The following CHPT1 variants were observed in gnomAD, a reference collection of about 807,000 sequenced individuals.
The protein encoded by CHPT1 is cholinephosphotransferase 1.
A neutral mutation model predicts 47.6 loss-of-function variants in CHPT1; 36 were observed. The observed-to-expected ratio is 0.76, with a 90% CI of 0.58 to 1.00. The LOEUF (loss-of-function observed/expected upper bound fraction) is 1.00. Ranked by LOEUF, CHPT1 falls within the 50% of genes least tolerant of loss-of-function variation. The pLI, the probability that CHPT1 is intolerant of heterozygous loss-of-function variation, is 0.00. For missense variants in CHPT1, 458 were observed against 498.1 expected (o/e 0.92, Z 0.77); for synonymous variants, 194 against 186.3 (o/e 1.04, Z -0.33).
At chr12:101,725,776 G>A (rs534729141) in intron 7 of CHPT1, among the ~76,000 whole-genome samples, 2 of 152,286 alleles carry the variant, frequency 1.3e-5, no homozygotes, top group African/African-American at 4.8e-5. Flanking sequence ...ATTTTCTGAA[G>A]AGAAGCATTT....
chr12:101,727,920 G>GTGAGT (rs1952003484), intron 8 of CHPT1: 1 of 152,138 alleles, frequency 6.6e-6, no homozygotes, highest in Admixed American at 6.5e-5. Flanking sequence ...TAAGATAAGG[G>GTGAGT]TGAGTTATAC....
rs1261172086 is a variant in CHPT1, at chr12:101,726,315, G to GT, written c.1088dup (p.Ile364AspfsTer4). 1 of 1,609,396 alleles carries GT rather than the reference G, an allele frequency of 6.2e-7. No homozygotes were observed. The highest frequency in any genetic ancestry group is 1.3e-5 in the African/African-American group (1 of 74,726). Reference sequence around the variant, plus strand: ...AAAGGTGATTTCTTCATTTGATATGGTGATATACTTTAGTGCTTTGTGCCT... The same window carrying GT: ...AAAGGTGATTTCTTCATTTGATATGGTTGATATACTTTAGTGCTTTGTGCCT... On this transcript the variant is annotated frameshift_variant, in exon 8 of 9. Transcript: ENST00000229266. LOFTEE classifies it high-confidence loss of function.
At position 101,714,320 on chromosome 12, in the gene CHPT1, T is replaced by C. The variant is rs576649756; in HGVS notation, c.421+83T>C. 1.8e-5 allele frequency: 23 copies of C among 1,307,240 alleles called. No homozygotes were observed. The South Asian group carries it at 2.8e-4, about 16-fold the overall frequency. The allele number at this position is 1,307,240 out of a possible 1,614,324, so 81.0% of individuals were successfully genotyped here. On this transcript the variant is annotated intron_variant, in intron 2 of 8. Coordinates refer to ENST00000229266, the MANE Select transcript of CHPT1 (RefSeq NM_020244.3). The stretch of plus-strand genomic sequence containing the variant: ...CTGTTTGGTCAGTTTTTTGGATGGA[T>C]ATACATTTGGGAGCAAATGTATGGA...
In CHPT1 at chr12:101,697,732, G is replaced by GCGGGCCCGACCGGTGAGT. The variant is rs1951482510; in HGVS notation, c.-128_-111dup. ...CCGGCCTGACCTCGACCTCCGCCGT[G>GCGGGCCCGACCGGTGAGT]CGGGCCCGACCGGTGAGTCCAGCCC... On this transcript the variant is annotated 5_prime_UTR_variant, in exon 1 of 9. Transcript: ENST00000229266. The GCGGGCCCGACCGGTGAGT allele has an allele frequency of 1.3e-5, 3 of 226,704 alleles. No individual in the cohort carries two copies. Among genetic ancestry groups the GCGGGCCCGACCGGTGAGT allele is most frequent in the African/African-American group, 7.0e-5 (3 of 42,670 alleles). 14.0% of individuals were successfully genotyped at this position (226,704 alleles called of 1,614,324 possible).
intron 7 of CHPT1, 63 bp from the exon 8 acceptor site, chr12:101,726,231 A>C: frequency 3.7e-6 from 4 of 1,089,940 alleles, no homozygotes; most frequent in Non-Finnish European, 5.5e-6. Flanking sequence ...GAGAAACAGA[A>C]TAGTGCTACT....
At chr12:101,703,827 C>T (rs1273537639) in intron 1 of CHPT1, among the ~76,000 whole-genome samples, 1 of 152,028 alleles carries the variant, frequency 6.6e-6, no homozygotes, top group East Asian at 1.9e-4. Flanking sequence ...CTTCCAGAGT[C>T]AGGTTAGCAG....
In CHPT1 at chr12:101,726,519, T is replaced by TTA. The variant is rs1185732313; in HGVS notation, c.1176+119_1176+120dup. On this transcript the variant is annotated intron_variant, in intron 8 of 8. Coordinates refer to ENST00000229266, the MANE Select transcript of CHPT1 (RefSeq NM_020244.3). Reference sequence around the variant, plus strand: ...GGAGGCTAGTATACCATCAATAAGGTTATATTTGAATATAAAACATAAACC... The same window carrying TTA: ...GGAGGCTAGTATACCATCAATAAGGTTATATATTTGAATATAAAACATAAACC... 2.9e-6 allele frequency: 4 copies of TTA among 1,368,564 alleles called. No homozygotes were observed. In the African/African-American group the frequency reaches 4.3e-5, roughly 15 times the overall value. The allele number at this position is 1,368,564 out of a possible 1,614,324, so 84.8% of individuals were successfully genotyped here.
At chr12:101,705,589 C>A (rs1173003014) in intron 1 of CHPT1, among the ~76,000 whole-genome samples, 1 of 76,346 alleles carries the variant, frequency 1.3e-5, no homozygotes, top group Non-Finnish European at 2.5e-5. Flanking sequence ...ATGATTATTA[C>A]CATTTTCAAA....
At chr12:101,709,975 T>C (rs1195282453) in intron 1 of CHPT1, among the ~76,000 whole-genome samples, 1 of 149,048 alleles carries the variant, frequency 6.7e-6, no homozygotes, top group Non-Finnish European at 1.5e-5. Context: ...TTCACTTTCA[T>C]CTTTAATAAA....
chr12:101,700,640 A>C (rs1951541848), intron 1 of CHPT1, among the ~76,000 whole-genome samples: 1 of 152,218 alleles, frequency 6.6e-6, no homozygotes, highest in South Asian at 2.1e-4. Context: ...ATGACTTCAA[A>C]AATAAAAAGA....
intron 7 of CHPT1, among the ~76,000 whole-genome samples, chr12:101,725,320 AT>A (rs796386750): frequency 1.8e-3 from 271 of 152,180 alleles, no homozygotes; most frequent in African/African-American, 6.3e-3. Context: ...AAAAAAAAAA[AT>A]GTTTAAAAAT....
rs759065453 is a variant in CHPT1, at chr12:101,697,982, C to T, written c.121C>T (p.Leu41=). ...CCGCTACAGCGCGGCGGGCGTCTCG[C>T]TGCTCGAGCCGCCGCTGCAGCTCTA... is the stretch of plus-strand genomic sequence containing the variant. ...EHRYSAAGVS[L]LEPPLQLYWT... Residue 41 remains leucine, a synonymous_variant, in exon 1 of 9, where the codon CTG becomes TTG. Coordinates refer to ENST00000229266, the MANE Select transcript of CHPT1 (RefSeq NM_020244.3). The T allele has an allele frequency of 3.3e-5, 50 of 1,522,512 alleles. No homozygotes were observed. The Admixed American group carries it at 1.0e-3, about 31-fold the overall frequency. The allele number at this position is 1,522,512 out of a possible 1,614,324, so 94.3% of individuals were successfully genotyped here.
At chr12:101,702,283 G>A (rs1035394300) in intron 1 of CHPT1, among the ~76,000 whole-genome samples, 7 of 152,072 alleles carry the variant, frequency 4.6e-5, no homozygotes, top group Non-Finnish European at 8.8e-5. Context: ...TTTCTGCCCT[G>A]TCTTCGTGAT....
chr12:101,705,230 A>AT (rs775361404), intron 1 of CHPT1, among the ~76,000 whole-genome samples: 12,518 of 106,792 alleles, frequency 0.12, 914 homozygotes, highest in Middle Eastern at 0.17. Context: ...TGCCTGGCTA[A>AT]TTTTGTGTTT....
rs1357740797 is a variant in CHPT1, at chr12:101,728,004, C to CTT, written c.1177-895_1177-894dup. The CTT allele has an allele frequency of 3.3e-5, 5 of 152,380 alleles. No homozygotes were observed. The South Asian group carries it at 8.3e-4, about 25-fold the overall frequency. 9.4% of individuals were successfully genotyped at this position (152,380 alleles called of 1,614,324 possible). On this transcript the variant is annotated intron_variant, in intron 8 of 8. Transcript: ENST00000229266. The stretch of plus-strand genomic sequence containing the variant: ...GTGGCTCACACCTGTAATCCCAGCA[C>CTT]TTTGGGAGGCCGAGGCGGGCAGATC...
intron 7 of CHPT1, among the ~76,000 whole-genome samples, chr12:101,725,623 CAAAAAAA>C (rs11476991): frequency 1.2e-4 from 14 of 119,532 alleles, no homozygotes; most frequent in Admixed American, 6.1e-4. Context: ...ATGTGGATGA[CAAAAAAA>C]AAAAAAAAAA....
At chr12:101,723,475 G>C in intron 6 of CHPT1, 149 bp downstream of exon 6, 1 of 626,150 alleles carries the variant, frequency 1.6e-6, no homozygotes, top group Non-Finnish European at 2.7e-6. Context: ...ACTGTGATAA[G>C]AGTTATATTC....
chr12:101,701,797 T>A (rs546705204), intron 1 of CHPT1, among the ~76,000 whole-genome samples: 76 of 152,266 alleles, frequency 5.0e-4, no homozygotes, highest in African/African-American at 1.7e-3. Context: ...AAACAAACAT[T>A]TGTTTGTTTT....
chr12:101,717,308 T>C (rs772532363), intron 4 of CHPT1: 1 of 454,982 alleles, frequency 2.2e-6, no homozygotes. Flanking sequence ...TCATAAAAGT[T>C]GGCTCTTAGG....
Sources: gnomAD v4.1 joint callset for allele counts (sites outside exome capture counted in the v4.1 genomes callset) on GRCh38, gnomAD v4.1.1 for gene constraint, MANE v1.5 for transcripts, NCBI Gene and HGNC (gene_info 2026-07-23, HGNC 2026-07-21) for gene names.